CSMD2: variants seen among roughly 807,000 people sequenced by gnomAD.
CSMD2 encodes the protein CUB and Sushi multiple domains 2, also known as CUB and sushi domain-containing protein 2.
Under a neutral mutation model 398.5 loss-of-function variants are expected in CSMD2, and 130 were observed. The ratio of observed to expected loss-of-function variants is 0.33; its 90% CI spans 0.28 to 0.38. The LOEUF is 0.38. Among genes scored for constraint, CSMD2 ranks in the 10% least tolerant of loss-of-function variants. The probability of loss-of-function intolerance (pLI) is 1.00; values close to 1 mark genes in which losing one functional copy is unlikely to be tolerated. For missense variants in CSMD2, 3,829 were observed against 4,764.9 expected (o/e 0.80, Z 5.78); for synonymous variants, 1,828 against 1,908.5 (o/e 0.96, Z 1.10).
intron 24 of CSMD2, 73 bp downstream of exon 24, chr1:33,698,680 G>T: frequency 7.1e-7 from 1 of 1,411,648 alleles, no homozygotes; most frequent in Non-Finnish European, 9.6e-7. Context: ...GGGTCTAACT[G>T]GAATGAGACC....
rs766105243 is a variant in CSMD2 at position 33,571,665 on chromosome 1, A to C, written c.7824T>G (p.Phe2608Leu). The change falls in exon 51 of 71, where the codon TTT becomes TTG. Residue 2608 changes from phenylalanine (F) to leucine (L), a missense_variant. Phe to Leu is a conservative substitution (Grantham distance 22). Around this residue, in one of 5 missense-constraint regions of CSMD2, gnomAD observed 723 missense variants for 758.6 expected, o/e 0.95. Transcript: ENST00000373381. ...SVEHGRWRLI[F>L]ETQYQFQAQL... ...GGGCCTGGAACTGATACTGTGTCTC[A>C]AAGATAAGCCTCCATCGGCCATGCT... is the stretch of plus-strand genomic sequence containing the variant. 9 of 1,582,046 alleles carry C rather than the reference A, an allele frequency of 5.7e-6. No homozygotes were observed. The highest frequency in any genetic ancestry group is 1.3e-5 in the African/African-American group (1 of 74,538).
At chr1:33,969,501 T>C (rs1419245797) in intron 3 of CSMD2, among the ~76,000 whole-genome samples, 1 of 152,214 alleles carries the variant, frequency 6.6e-6, no homozygotes, top group Non-Finnish European at 1.5e-5. Flanking sequence ...TATTGCGTAG[T>C]TACAGATGCC....
rs745495781 is a variant in CSMD2, at chr1:33,665,460, C to CTTTTTTTT, written c.4053-2376_4053-2369dup. Among the ~76,000 whole-genome samples, 4 of 73,928 alleles carry CTTTTTTTT rather than the reference C, an allele frequency of 5.4e-5. 1 individual carries two copies. The highest frequency in any genetic ancestry group is 1.0e-4 in the Non-Finnish European group (4 of 39,388). The allele number at this position is 73,928 out of a possible 152,430, so 48.5% of individuals were successfully genotyped here. On this transcript the variant is annotated intron_variant, in intron 25 of 70. Coordinates refer to ENST00000373381, the MANE Select transcript of CSMD2 (RefSeq NM_001281956.2). Reference sequence around the variant, plus strand: ...GACTTGTATAGTTTCTTTCTTCTCTCTTTTTTTTTTTTTTTTTTTTTTTTT... The same window carrying CTTTTTTTT: ...GACTTGTATAGTTTCTTTCTTCTCTCTTTTTTTTTTTTTTTTTTTTTTTTTTTTTTTTT...
chr1:33,661,059 C>T (rs2148995300), intron 26 of CSMD2, among the ~76,000 whole-genome samples: 1 of 152,280 alleles, frequency 6.6e-6, no homozygotes, highest in African/African-American at 2.4e-5. Flanking sequence ...ATGAGCTGGG[C>T]AATGCATGAG....
At chr1:33,775,689 G>T (rs76530472) in intron 12 of CSMD2, among the ~76,000 whole-genome samples, 1 of 152,276 alleles carries the variant, frequency 6.6e-6, no homozygotes, top group African/African-American at 2.4e-5. Context: ...ACCTCCAAGT[G>T]GAAATATCTA....
chr1:34,031,805 C>T (rs9919294), intron 3 of CSMD2, among the ~76,000 whole-genome samples: 9 of 137,460 alleles, frequency 6.5e-5, no homozygotes, highest in Non-Finnish European at 1.4e-4. Context: ...GGATATCTGG[C>T]GTGCTTTACT....
intron 1 of CSMD2, among the ~76,000 whole-genome samples, chr1:34,091,650 GA>G (rs34430034): frequency 1.3e-5 from 2 of 150,766 alleles, no homozygotes; most frequent in Admixed American, 6.6e-5. Flanking sequence ...CATTAAATGA[GA>G]AAAAAAAATG....
chr1:33,673,859 C>G (rs1251722823), intron 25 of CSMD2, among the ~76,000 whole-genome samples: 2 of 152,180 alleles, frequency 1.3e-5, no homozygotes, highest in African/African-American at 4.8e-5. Context: ...TCCAGCCAAA[C>G]TAGCTTCATA....
At chr1:34,030,023 C>A (rs142320276) in intron 3 of CSMD2, among the ~76,000 whole-genome samples, 322 of 152,326 alleles carry the variant, frequency 2.1e-3, no homozygotes, top group African/African-American at 7.5e-3. Flanking sequence ...TCTTTTGAAT[C>A]ACCGGCCTCT....
At chr1:34,082,658 A>C (rs1657386141) in intron 2 of CSMD2, among the ~76,000 whole-genome samples, 1 of 152,252 alleles carries the variant, frequency 6.6e-6, no homozygotes. Context: ...GAAAAGAGAG[A>C]TCAGATTGTT....
chr1:34,036,246 T>G (rs567206165), intron 2 of CSMD2, among the ~76,000 whole-genome samples: 55 of 152,224 alleles, frequency 3.6e-4, no homozygotes, highest in African/African-American at 1.3e-3. Context: ...TAGCCCAAAC[T>G]GGAAACAACC....
chr1:33,914,738 A>C (rs1000168635), intron 5 of CSMD2, among the ~76,000 whole-genome samples: 1 of 151,990 alleles, frequency 6.6e-6, no homozygotes, highest in African/African-American at 2.4e-5. Flanking sequence ...ACTGTTGGCC[A>C]CTCCAGTGAT....
intron 47 of CSMD2, among the ~76,000 whole-genome samples, chr1:33,583,200 A>G (rs1638850385): frequency 6.6e-6 from 1 of 152,226 alleles, no homozygotes; most frequent in South Asian, 2.1e-4. Context: ...AAGTTCTGCT[A>G]TGAATTTTTA....
intron 49 of CSMD2, among the ~76,000 whole-genome samples, chr1:33,574,472 G>A (rs1659887351): frequency 6.6e-6 from 1 of 152,196 alleles, no homozygotes; most frequent in Non-Finnish European, 1.5e-5. Context: ...ATCCGTCAAA[G>A]TACCCACTAC....
At chr1:33,981,331 C>T (rs974270864) in intron 3 of CSMD2, among the ~76,000 whole-genome samples, 1 of 152,206 alleles carries the variant, frequency 6.6e-6, no homozygotes, top group African/African-American at 2.4e-5. Flanking sequence ...TTGCAGCTTC[C>T]ACCCTCAGCT....
At chr1:33,945,810 G>A (rs560716959) in intron 3 of CSMD2, among the ~76,000 whole-genome samples, 8 of 152,234 alleles carry the variant, frequency 5.3e-5, no homozygotes, top group South Asian at 4.2e-4. Context: ...TGCTCAGCCC[G>A]ATCTGCCCCG....
At chr1:33,807,344 T>C (rs982037223) in intron 10 of CSMD2, among the ~76,000 whole-genome samples, 19 of 152,194 alleles carry the variant, frequency 1.2e-4, no homozygotes, top group Non-Finnish European at 5.9e-5. Context: ...AACCTCAGCA[T>C]CATGCAATAT....
chr1:33,972,421 A>G (rs1483756254), intron 3 of CSMD2, among the ~76,000 whole-genome samples: 2 of 152,196 alleles, frequency 1.3e-5, no homozygotes, highest in African/African-American at 2.4e-5. Flanking sequence ...AGAACATGGA[A>G]ATATGCTGCT....
chr1:34,083,304 C>T (rs1360810029), intron 2 of CSMD2, among the ~76,000 whole-genome samples: 2 of 152,216 alleles, frequency 1.3e-5, no homozygotes, highest in African/African-American at 2.4e-5. Flanking sequence ...AAAGAATCTT[C>T]TAGCTCTCGC....
Sources: gnomAD v4.1 joint callset for allele counts (sites outside exome capture counted in the v4.1 genomes callset) on GRCh38, gnomAD v4.1.1 for gene constraint, gnomAD v4.1.1 regional missense constraint, MANE v1.5 for transcripts, NCBI Gene and HGNC (gene_info 2026-07-23, HGNC 2026-07-21) for gene names.